Variants in CORO2B observed in about 807,000 individuals in gnomAD.
CORO2B encodes the protein coronin 2B.
In CORO2B, 26 loss-of-function variants were observed where a neutral mutation model predicts 58.8. That is an observed-to-expected ratio of 0.44 (90% CI 0.32 to 0.61). The LOEUF (loss-of-function observed/expected upper bound fraction) is 0.61, where lower values mean the gene tolerates loss of function less well. Among genes scored for constraint, CORO2B ranks in the 20% least tolerant of loss-of-function variants. The pLI is 0.04. For missense variants in CORO2B, 460 were observed against 645.1 expected (o/e 0.71, Z 3.11); for synonymous variants, 242 against 253.8 (o/e 0.95, Z 0.44).
At chr15:68,581,271 G>A (rs1270408930) in intron 1 of CORO2B, among the ~76,000 whole-genome samples, 1 of 152,038 alleles carries the variant, frequency 6.6e-6, no homozygotes, top group Non-Finnish European at 1.5e-5. Context: ...TAACCAATGT[G>A]GCTTTGGCTT....
At chr15:68,521,607 A>G in the CORO2B span, among the ~76,000 whole-genome samples, 1 of 152,026 alleles carries the variant, frequency 6.6e-6, no homozygotes, top group Non-Finnish European at 1.5e-5. Flanking sequence ...ATACACTTTG[A>G]AAGTTTTTAC....
At chr15:68,593,812 G>A (rs1470579758) in intron 1 of CORO2B, among the ~76,000 whole-genome samples, 1 of 152,186 alleles carries the variant, frequency 6.6e-6, no homozygotes, top group Non-Finnish European at 1.5e-5. Context: ...GTCCCATTGT[G>A]GGGTGGGAAG....
intron 6 of CORO2B, 42 bp downstream of exon 6, chr15:68,714,083 C>A: frequency 7.4e-7 from 1 of 1,349,470 alleles, no homozygotes; most frequent in African/African-American, 1.4e-5. Flanking sequence ...CTAAAGGAAG[C>A]ATCGTTGCCT....
intron 2 of CORO2B, among the ~76,000 whole-genome samples, chr15:68,650,593 A>G (rs1487508674): frequency 1.3e-5 from 2 of 152,174 alleles, no homozygotes; most frequent in Admixed American, 6.5e-5. Flanking sequence ...GCTTGGCGAC[A>G]GAGTGAGACT....
chr15:68,701,399 C>G (rs1567013899), intron 3 of CORO2B, among the ~76,000 whole-genome samples: 1 of 151,376 alleles, frequency 6.6e-6, no homozygotes. Context: ...GCAAGCTTCA[C>G]CTCCCGGGTT....
chr15:68,536,142 A>G, the CORO2B span, among the ~76,000 whole-genome samples: 3 of 152,212 alleles, frequency 2.0e-5, no homozygotes, highest in Admixed American at 6.5e-5. Flanking sequence ...ATCACACTGT[A>G]TGGCGTCAGA....
intron 1 of CORO2B, among the ~76,000 whole-genome samples, chr15:68,608,410 AACT>A (rs1900174060): frequency 1.3e-5 from 2 of 152,196 alleles, no homozygotes; most frequent in African/African-American, 2.4e-5. Context: ...CCTGAAGGAC[AACT>A]CCCCTGGCCA....
chr15:68,579,462 G>A (rs1487110494), intron 1 of CORO2B, among the ~76,000 whole-genome samples, 185 bp downstream of exon 1: 1 of 152,044 alleles, frequency 6.6e-6, no homozygotes, highest in Non-Finnish European at 1.5e-5. Context: ...CGGAGGCCAG[G>A]GGGAGGATGC....
intron 2 of CORO2B, among the ~76,000 whole-genome samples, chr15:68,677,253 C>T (rs1902618602): frequency 1.3e-5 from 2 of 152,194 alleles, no homozygotes; most frequent in African/African-American, 4.8e-5. Flanking sequence ...ACTATATTTG[C>T]AGGGTGCACT....
intron 3 of CORO2B, among the ~76,000 whole-genome samples, chr15:68,703,334 A>G (rs1203912466): frequency 6.7e-6 from 1 of 150,284 alleles, no homozygotes; most frequent in Non-Finnish European, 1.5e-5. Context: ...TATTTTTAGT[A>G]AAGACAGGGT....
intron 2 of CORO2B, among the ~76,000 whole-genome samples, chr15:68,692,268 A>T (rs918452404): frequency 6.6e-6 from 1 of 152,178 alleles, no homozygotes; most frequent in Non-Finnish European, 1.5e-5. Flanking sequence ...AATCTGAGTC[A>T]CATGTGACCC....
At chr15:68,599,740 C>T (rs1899930263) in intron 1 of CORO2B, among the ~76,000 whole-genome samples, 1 of 152,180 alleles carries the variant, frequency 6.6e-6, no homozygotes, top group African/African-American at 2.4e-5. Context: ...TGTGCCCTCC[C>T]CAGGCTCTCC....
intron 1 of CORO2B, chr15:68,616,613 C>T (rs1245608092): frequency 2.8e-5 from 28 of 985,326 alleles, no homozygotes; most frequent in South Asian, 4.7e-5. Flanking sequence ...TTCTGACAAG[C>T]GGTGAGTACG....
the CORO2B span, among the ~76,000 whole-genome samples, chr15:68,572,753 T>C: frequency 6.6e-6 from 1 of 152,106 alleles, no homozygotes. Context: ...ATTTAGATCC[T>C]AAACGACTGG....
intron 1 of CORO2B, chr15:68,632,477 A>T (rs936063996): frequency 5.1e-6 from 5 of 972,038 alleles, no homozygotes; most frequent in Non-Finnish European, 6.1e-6. Context: ...CTGGCTCTTA[A>T]GATATTTTGT....
chr15:68,532,769 G>A, the CORO2B span, among the ~76,000 whole-genome samples: 2,117 of 152,264 alleles, frequency 0.014, 60 homozygotes, highest in African/African-American at 0.048. Context: ...TTGGGAAGGA[G>A]GGTAAATTGC....
In CORO2B at chr15:68,579,204, C is replaced by T; in HGVS notation, c.-59C>T. ...GACCCCCTTCCGCCGCCGCCCCGGG[C>T]CGCCGCCGCCGCCCCCGCACGCCGC... On this transcript the variant is annotated 5_prime_UTR_variant, in exon 1 of 12. Transcript: ENST00000261861. 1.3e-5 allele frequency: 13 copies of T among 989,608 alleles called. No homozygotes were observed. The highest frequency in any genetic ancestry group is 1.6e-5 in the Non-Finnish European group (13 of 832,082). The allele number at this position is 989,608 out of a possible 1,614,324, so 61.3% of individuals were successfully genotyped here. A position where few individuals can be genotyped will look rare whatever the true frequency, so the allele number is the denominator to read the frequency against.
At chr15:68,595,989 G>A (rs749451556) in intron 1 of CORO2B, among the ~76,000 whole-genome samples, 3 of 151,996 alleles carry the variant, frequency 2.0e-5, no homozygotes, top group South Asian at 2.1e-4. Flanking sequence ...CCCGAGCCAC[G>A]AGGGTGCCCA....
At chr15:68,595,423 T>C (rs2140235754) in intron 1 of CORO2B, among the ~76,000 whole-genome samples, 1 of 152,336 alleles carries the variant, frequency 6.6e-6, no homozygotes, top group East Asian at 1.9e-4. Context: ...GGATACGCCT[T>C]ATCGTCAGAT....
Sources: gnomAD v4.1 joint callset for allele counts (sites outside exome capture counted in the v4.1 genomes callset) on GRCh38, gnomAD v4.1.1 for gene constraint, MANE v1.5 for transcripts, NCBI Gene and HGNC (gene_info 2026-07-23, HGNC 2026-07-21) for gene names.